Variants in UNC5B observed in about 807,000 individuals in gnomAD.
The protein encoded by UNC5B is netrin receptor UNC5B.
In UNC5B, 56 loss-of-function variants were observed where a neutral mutation model predicts 103.7. The ratio of observed to expected loss-of-function variants is 0.54; its 90% CI spans 0.44 to 0.67. UNC5B has a LOEUF of 0.67. Among genes scored for constraint, UNC5B ranks in the 30% least tolerant of loss-of-function variants. The pLI, the probability that UNC5B is intolerant of heterozygous loss-of-function variation, is 0.00. For missense variants in UNC5B, 1,194 were observed against 1,284.5 expected (o/e 0.93, Z 1.08); for synonymous variants, 577 against 542.0 (o/e 1.06, Z -0.90).
At chr10:71,254,303 C>T (rs2132273797) in intron 1 of UNC5B, among the ~76,000 whole-genome samples, 1 of 152,316 alleles carries the variant, frequency 6.6e-6, no homozygotes, top group East Asian at 1.9e-4. Context: ...ATTGTTTTAC[C>T]CACTATCTGA....
chr10:71,298,441 G>C (rs1677379655), intron 16 of UNC5B, among the ~76,000 whole-genome samples: 1 of 152,110 alleles, frequency 6.6e-6, no homozygotes, highest in Non-Finnish European at 1.5e-5. Flanking sequence ...CTGGTATCTA[G>C]GACAGAGAAT....
At chr10:71,243,110 C>T (rs1843943803) in intron 1 of UNC5B, among the ~76,000 whole-genome samples, 1 of 152,170 alleles carries the variant, frequency 6.6e-6, no homozygotes, top group Admixed American at 6.5e-5. Flanking sequence ...TGGCACGCGC[C>T]TATAATCCCA....
chr10:71,261,085 AAT>A (rs1844408141), intron 1 of UNC5B, among the ~76,000 whole-genome samples: 1 of 152,206 alleles, frequency 6.6e-6, no homozygotes, highest in Admixed American at 6.5e-5. Flanking sequence ...GGAAGCCCAT[AAT>A]TGACAGGGCT....
rs1047322254 is a variant in UNC5B at position 71,289,788 on chromosome 10, G to C, written c.1099+798G>C. ...CCAGCCCTGAGGGGTCCTCTGGGGA[G>C]CCCAAGAGTGAGGGCTGCTGAGGAG... On this transcript the variant is annotated intron_variant, in intron 8 of 16. Coordinates refer to ENST00000335350, the MANE Select transcript of UNC5B (RefSeq NM_170744.5). Among the ~76,000 whole-genome samples, 6 of 152,232 alleles carry C rather than the reference G, an allele frequency of 3.9e-5. No individual in the cohort carries two copies. The South Asian group carries it at 6.2e-4, about 16-fold the overall frequency.
chr10:71,277,018 CG>C (rs746033734), intron 1 of UNC5B, among the ~76,000 whole-genome samples: 4 of 152,162 alleles, frequency 2.6e-5, no homozygotes, highest in Non-Finnish European at 5.9e-5. Context: ...AGAGGAGGGG[CG>C]GGGTAGGAAG....
chr10:71,284,804 G>C lies in UNC5B; in HGVS notation c.389G>C (p.Cys130Ser). 1 of 1,613,846 alleles carries C rather than the reference G, an allele frequency of 6.2e-7. No homozygotes were observed. Among genetic ancestry groups the C allele is most frequent in the South Asian group, 1.1e-5 (1 of 91,070 alleles). ...LFGLEDYWCQCVAWSSAGTTK... is the reference protein window; with the variant it reads ...LFGLEDYWCQSVAWSSAGTTK... The stretch of plus-strand genomic sequence containing the variant: ...GGGCTGGAGGATTACTGGTGCCAGT[G>C]CGTGGCCTGGAGCTCCGCGGGCACC... Residue 130 changes from cysteine to serine, a missense_variant, in exon 3 of 17, where the codon TGC (cysteine) becomes TCC (serine). By Grantham distance (112) the Cys-to-Ser change is moderately radical. Coordinates refer to ENST00000335350, the MANE Select transcript of UNC5B (RefSeq NM_170744.5).
rs1419140387 is a variant in UNC5B, at chr10:71,299,433, C to T, written c.*156C>T. ...TCTTCCCCAACCCCCAGACCATGACCAGCCTTAGAAAATCCATGTACTCTG... is the reference window on the plus strand; with the variant it reads ...TCTTCCCCAACCCCCAGACCATGACTAGCCTTAGAAAATCCATGTACTCTG... On this transcript the variant is annotated 3_prime_UTR_variant, in exon 17 of 17. Transcript: ENST00000335350. The T allele has an allele frequency of 2.7e-5, 24 of 875,096 alleles. No individual in the cohort carries two copies. In the Admixed American group the frequency reaches 6.5e-4, roughly 24 times the overall value. The allele number at this position is 875,096 out of a possible 1,614,324, so 54.2% of individuals were successfully genotyped here.
At chr10:71,293,649 GC>G (rs995678369) in intron 12 of UNC5B, 50 bp from the exon 13 acceptor site, 1 of 1,606,396 alleles carries the variant, frequency 6.2e-7, no homozygotes, top group African/African-American at 1.3e-5. Flanking sequence ...TTTTCCTCTG[GC>G]CCAGCCTGAA....
intron 16 of UNC5B, 40 bp from the exon 17 acceptor site, chr10:71,299,072 A>G (rs756777873): frequency 2.0e-5 from 33 of 1,611,226 alleles, no homozygotes; most frequent in Middle Eastern, 3.3e-4. Context: ...GGGAGGGGCT[A>G]AGTGCTTGGG....
rs1263499194 is a variant in UNC5B at position 71,212,768 on chromosome 10, C to G, written c.-218C>G. On this transcript the variant is annotated 5_prime_UTR_variant, in exon 1 of 17. Transcript: ENST00000335350. Reference sequence around the variant, plus strand: ...GAGCCAGAGGGGCGCGCCGGAGCCTCGTTCGAGAGCCGGCGCCAGGCACCC... The same window carrying G: ...GAGCCAGAGGGGCGCGCCGGAGCCTGGTTCGAGAGCCGGCGCCAGGCACCC... 1.1e-5 allele frequency: 4 copies of G among 356,240 alleles called. No individual in the cohort carries two copies. The highest frequency in any genetic ancestry group is 1.0e-5 in the Non-Finnish European group (2 of 199,762). The allele number at this position is 356,240 out of a possible 1,614,324, so 22.1% of individuals were successfully genotyped here.
rs1845535017 is a variant in UNC5B at position 71,299,481 on chromosome 10, T to C, written c.*204T>C. On this transcript the variant is annotated 3_prime_UTR_variant, in exon 17 of 17. Transcript: ENST00000335350. Reference sequence around the variant, plus strand: ...CTGTTGTTAGAGGGCCCAGAGTTCCTTCTCCACCCCCGCTCTCTCTCTCTT... The same window carrying C: ...CTGTTGTTAGAGGGCCCAGAGTTCCCTCTCCACCCCCGCTCTCTCTCTCTT... 2 of 589,056 alleles carry C rather than the reference T, an allele frequency of 3.4e-6. No individual in the cohort carries two copies. The highest frequency in any genetic ancestry group is 4.4e-5 in the South Asian group (2 of 45,870). 36.5% of individuals were successfully genotyped at this position (589,056 alleles called of 1,614,324 possible).
intron 4 of UNC5B, 110 bp from the exon 5 acceptor site, chr10:71,286,579 C>T (rs1845086208): frequency 7.2e-7 from 1 of 1,383,702 alleles, no homozygotes; most frequent in African/African-American, 1.4e-5. Flanking sequence ...CCACCAAGGC[C>T]CTGCCTCACT....
rs116266106 is a variant in UNC5B at position 71,278,301 on chromosome 10, G to A, written c.80-1520G>A. Among the ~76,000 whole-genome samples the A allele has an allele frequency of 9.8e-3, 1,492 of 152,324 alleles. 28 individuals carry two copies. Among genetic ancestry groups the A allele is most frequent in the Middle Eastern group, 0.027 (8 of 294 alleles). The stretch of plus-strand genomic sequence containing the variant: ...ACCGCCTAGGTGTTCATGCATGTTT[G>A]TCTCATCCTCAGAGCAGCCCAGAGA... On this transcript the variant is annotated intron_variant, in intron 1 of 16. Transcript: ENST00000335350.
intron 2 of UNC5B, 125 bp from the exon 3 acceptor site, chr10:71,284,595 G>A (rs1845016439): frequency 2.9e-6 from 4 of 1,387,076 alleles, no homozygotes; most frequent in Admixed American, 2.0e-5. Flanking sequence ...GGAGACAAGA[G>A]GAATGGAGGG....
chr10:71,244,873 C>T (rs552210054), intron 1 of UNC5B, among the ~76,000 whole-genome samples: 5 of 152,350 alleles, frequency 3.3e-5, no homozygotes, highest in East Asian at 3.9e-4. Context: ...ACGCAGACCG[C>T]CTCCAGCTCC....
intron 1 of UNC5B, among the ~76,000 whole-genome samples, chr10:71,278,980 G>T (rs1213747903): frequency 2.0e-5 from 3 of 152,234 alleles, no homozygotes. Context: ...CTTCCTGTTT[G>T]TCTCACCTCC....
At chr10:71,294,324 C>T (rs1215463415) in intron 13 of UNC5B, among the ~76,000 whole-genome samples, 1 of 152,176 alleles carries the variant, frequency 6.6e-6, no homozygotes, top group East Asian at 1.9e-4. Flanking sequence ...TTCAGCATGA[C>T]CAACTAAAAG....
rs1338368600 is a variant in UNC5B at position 71,213,958 on chromosome 10, T to TA, written c.79+895dup. ...ACCCTCCTCTCTCGCCGTGGATGAA[T>TA]ACGTTTCTCGCTCGTCCTGTAGCTG... On this transcript the variant is annotated intron_variant, in intron 1 of 16. Coordinates refer to ENST00000335350, the MANE Select transcript of UNC5B (RefSeq NM_170744.5). This position sits in a 1 kb window ranked among gnomAD's most constrained non-coding sequence, Gnocchi z 4.1. Among the ~76,000 whole-genome samples the TA allele has an allele frequency of 6.6e-6, 1 of 151,780 alleles. No individual in the cohort carries two copies. Among genetic ancestry groups the TA allele is most frequent in the Admixed American group, 6.6e-5 (1 of 15,236 alleles).
Position 71,296,759 on chromosome 10 carries a change from C to T in UNC5B, c.2490+17C>T. 1.3e-6 allele frequency: 2 copies of T among 1,595,562 alleles called. No homozygotes were observed. The highest frequency in any genetic ancestry group is 1.7e-6 in the Non-Finnish European group (2 of 1,175,450). ...CTGGCAGAGGTGAGGGAAGTCGGGG[C>T]CACATATTCCAGCTGCACACCACAC... On this transcript the variant is annotated intron_variant, in intron 15 of 16. Transcript: ENST00000335350.
Sources: allele counts gnomAD v4.1 joint callset (sites outside exome capture counted in the v4.1 genomes callset), GRCh38; gene constraint gnomAD v4.1.1; non-coding constraint Gnocchi (gnomAD v3.1); transcripts MANE v1.5; gene names NCBI Gene and HGNC (gene_info 2026-07-23, HGNC 2026-07-21).